The following ELP4 variants were observed in gnomAD, a reference collection of about 807,000 sequenced individuals.
ELP4 encodes elongator acetyltransferase complex subunit 4, also known as elongator complex protein 4.
In ELP4, 51 loss-of-function variants were observed where a neutral mutation model predicts 48.9. The ratio of observed to expected loss-of-function variants is 1.04; its 90% CI spans 0.83 to 1.32. ELP4 has a LOEUF of 1.32. Among genes scored for constraint, ELP4 ranks in the 40% most tolerant of loss-of-function variants. ELP4 has a pLI of 0.00. For missense variants in ELP4, 519 were observed against 514.6 expected (o/e 1.01, Z -0.08); for synonymous variants, 210 against 189.2 (o/e 1.11, Z -0.90).
chr11:31,772,150 T>C (rs1181639503), intron 9 of ELP4, among the ~76,000 whole-genome samples: 1 of 151,092 alleles, frequency 6.6e-6, no homozygotes, highest in Non-Finnish European at 1.5e-5. Flanking sequence ...GAATAAGTCT[T>C]GCTCTGTCAC....
chr11:31,614,285 G>T (rs879582940), intron 5 of ELP4, among the ~76,000 whole-genome samples: 1 of 152,096 alleles, frequency 6.6e-6, no homozygotes, highest in Non-Finnish European at 1.5e-5. Context: ...ACTCTTTGGA[G>T]AAATGGTTGA....
At chr11:31,631,633 C>T (rs984230375) in intron 6 of ELP4, among the ~76,000 whole-genome samples, 2 of 152,096 alleles carry the variant, frequency 1.3e-5, no homozygotes, top group Non-Finnish European at 2.9e-5. Context: ...TCAGTAGGCT[C>T]AGGTTCTAAA....
At chr11:31,561,350 A>G (rs1957022068) in intron 3 of ELP4, among the ~76,000 whole-genome samples, 1 of 152,224 alleles carries the variant, frequency 6.6e-6, no homozygotes, top group South Asian at 2.1e-4. Context: ...AAATATTAAT[A>G]GATGCCAAAG....
In ELP4 at chr11:31,606,096, C is replaced by T. The variant is rs555215205; in HGVS notation, c.653+2189C>T. On this transcript the variant is annotated intron_variant, in intron 5 of 9. Coordinates refer to ENST00000640961, the MANE Select transcript of ELP4 (RefSeq NM_019040.5). ...AGTGTTTTGTAAGAACTAGCAGTTT[C>T]GCACAGAATAGGAAAATTTATAGAT... 3.3e-5 allele frequency among the ~76,000 whole-genome samples: 5 copies of T among 152,188 alleles called. No homozygotes were observed. The East Asian group carries it at 9.6e-4, about 29-fold the overall frequency.
intron 9 of ELP4, among the ~76,000 whole-genome samples, chr11:31,751,803 C>T (rs1409097082): frequency 6.6e-6 from 1 of 152,158 alleles, no homozygotes; most frequent in Non-Finnish European, 1.5e-5. Context: ...AAAATGCCAA[C>T]CACATAAGCT....
chr11:31,536,899 T>C (rs1014803371), intron 2 of ELP4, among the ~76,000 whole-genome samples: 4 of 152,238 alleles, frequency 2.6e-5, no homozygotes, highest in African/African-American at 2.4e-5. Flanking sequence ...ACTATGTATA[T>C]GTATTGCAAA....
At chr11:31,753,939 A>G (rs1362991340) in intron 9 of ELP4, among the ~76,000 whole-genome samples, 1 of 152,208 alleles carries the variant, frequency 6.6e-6, no homozygotes, top group Non-Finnish European at 1.5e-5. Context: ...AATCTTCACT[A>G]TTCTTTTATT....
rs1021802285 is a variant in ELP4, at chr11:31,584,865, A to G, written c.382-9905A>G. 1.4e-4 allele frequency among the ~76,000 whole-genome samples: 22 copies of G among 152,170 alleles called. 1 individual carries two copies. Among genetic ancestry groups the G allele is most frequent in the African/African-American group, 4.1e-4 (17 of 41,450 alleles). ...TTCAGAGGTAGAATGATGACCACCAATGAATATGAGTAAGTAGGCAGTTTT... is the reference window on the plus strand; with the variant it reads ...TTCAGAGGTAGAATGATGACCACCAGTGAATATGAGTAAGTAGGCAGTTTT... On this transcript the variant is annotated intron_variant, in intron 3 of 9. Coordinates refer to ENST00000640961, the MANE Select transcript of ELP4 (RefSeq NM_019040.5).
intron 9 of ELP4, chr11:31,767,420 T>C (rs907224044): frequency 2.0e-5 from 3 of 151,666 alleles, no homozygotes; most frequent in Non-Finnish European, 4.4e-5. Context: ...CAAGGGTAGT[T>C]AGGTGGTGGG....
At chr11:31,648,440 TGTA>T (rs965364925) in intron 8 of ELP4, 5 of 151,520 alleles carry the variant, frequency 3.3e-5, no homozygotes, top group Admixed American at 6.6e-5. Flanking sequence ...TTAGTAATAT[TGTA>T]GTCATTTGGT....
At chr11:31,695,777 G>T (rs1946390108) in intron 9 of ELP4, among the ~76,000 whole-genome samples, 2 of 118,980 alleles carry the variant, frequency 1.7e-5, no homozygotes, top group Non-Finnish European at 3.6e-5. Context: ...GTAGAATTCG[G>T]CTGTGAATCC....
At chr11:31,614,314 A>G (rs1958036712) in intron 5 of ELP4, among the ~76,000 whole-genome samples, 1 of 152,152 alleles carries the variant, frequency 6.6e-6, no homozygotes, top group African/African-American at 2.4e-5. Flanking sequence ...AAGGGAAAAG[A>G]TATGCCTGGA....
At chr11:31,731,017 A>C (rs1947175463) in intron 9 of ELP4, among the ~76,000 whole-genome samples, 1 of 152,168 alleles carries the variant, frequency 6.6e-6, no homozygotes, top group Non-Finnish European at 1.5e-5. Context: ...CTAAACACAC[A>C]AGTTTAGAGA....
At chr11:31,649,104 TTTTAG>T (rs1286853868) in intron 8 of ELP4, 1 of 151,658 alleles carries the variant, frequency 6.6e-6, no homozygotes, top group Non-Finnish European at 1.5e-5. Context: ...TTTTCAGGTA[TTTTAG>T]TTAATTATTT....
At chr11:31,511,237 T>C (rs997669086) in intron 1 of ELP4, 5 of 152,222 alleles carry the variant, frequency 3.3e-5, no homozygotes, top group African/African-American at 9.6e-5. Flanking sequence ...TTAGCAAATA[T>C]ATAGTCCACC....
chr11:31,678,470 T>A, intron 9 of ELP4, among the ~76,000 whole-genome samples: 1 of 150,244 alleles, frequency 6.7e-6, no homozygotes, highest in Admixed American at 6.7e-5. Flanking sequence ...AAATAATTGT[T>A]ATTATTTATT....
chr11:31,585,795 A>C (rs1957462260), intron 3 of ELP4, among the ~76,000 whole-genome samples: 1 of 152,238 alleles, frequency 6.6e-6, no homozygotes. Flanking sequence ...GAAGAGATTA[A>C]AACATTAAGT....
intron 9 of ELP4, among the ~76,000 whole-genome samples, chr11:31,697,990 T>C (rs1273929222): frequency 2.0e-5 from 3 of 152,104 alleles, no homozygotes; most frequent in Non-Finnish European, 4.4e-5. Context: ...AGGAAAATAA[T>C]ACACATAGCT....
intron 9 of ELP4, among the ~76,000 whole-genome samples, chr11:31,664,783 AG>A (rs908765396): frequency 1.7e-4 from 26 of 152,204 alleles, no homozygotes; most frequent in Non-Finnish European, 2.6e-4. Context: ...TGTATCTAAA[AG>A]GGTACTCCTT....
Sources: gnomAD v4.1 joint callset for allele counts (sites outside exome capture counted in the v4.1 genomes callset) on GRCh38, gnomAD v4.1.1 for gene constraint, MANE v1.5 for transcripts, NCBI Gene and HGNC (gene_info 2026-07-23, HGNC 2026-07-21) for gene names.